RIT2: variants seen among roughly 807,000 people sequenced by gnomAD.
RIT2 encodes the protein Ras like without CAAX 2, also known as GTP-binding protein Rit2.
Under a neutral mutation model 23.7 loss-of-function variants are expected in RIT2, and 24 were observed. That is an observed-to-expected ratio of 1.01 (90% confidence interval 0.73 to 1.43). The LOEUF (loss-of-function observed/expected upper bound fraction) is 1.43. RIT2 is among the 40% of genes most tolerant of loss of function. RIT2 has a pLI of 0.00. For missense variants in RIT2, 236 were observed against 266.9 expected (o/e 0.88, Z 0.81); for synonymous variants, 107 against 91.1 (o/e 1.17, Z -0.99).
At chr18:42,890,869 C>T (rs1427809474) in intron 4 of RIT2, among the ~76,000 whole-genome samples, 1 of 152,022 alleles carries the variant, frequency 6.6e-6, no homozygotes, top group Admixed American at 6.6e-5. Context: ...GGGAATAGGA[C>T]AGTTGATCGG....
At chr18:43,072,427 A>G (rs990179239) in intron 1 of RIT2, among the ~76,000 whole-genome samples, 2 of 152,208 alleles carry the variant, frequency 1.3e-5, no homozygotes, top group Non-Finnish European at 2.9e-5. Context: ...TAGGGCTAAG[A>G]GTTCTTTTTA....
At chr18:42,751,353 TATAG>T (rs1417535909) in intron 4 of RIT2, among the ~76,000 whole-genome samples, 2 of 151,876 alleles carry the variant, frequency 1.3e-5, no homozygotes, top group East Asian at 1.9e-4. Context: ...ATAGTACATA[TATAG>T]ATATATATAT....
chr18:42,863,432 T>C (rs1416818661), intron 4 of RIT2, among the ~76,000 whole-genome samples: 1 of 152,174 alleles, frequency 6.6e-6, no homozygotes, highest in Non-Finnish European at 1.5e-5. Context: ...AATATACCAA[T>C]ATTTAACTCT....
At chr18:42,790,050 CAA>C (rs1337882609) in intron 4 of RIT2, among the ~76,000 whole-genome samples, 1 of 152,138 alleles carries the variant, frequency 6.6e-6, no homozygotes, top group African/African-American at 2.4e-5. Context: ...TGAATCTTAT[CAA>C]ATGCTTTTTC....
intron 1 of RIT2, among the ~76,000 whole-genome samples, chr18:43,114,450 T>A (rs1378416940): frequency 1.3e-5 from 2 of 152,074 alleles, no homozygotes. Context: ...CGTCTTTTAA[T>A]TTTTTTGTCA....
At chr18:43,011,666 T>C (rs1264277203) in intron 2 of RIT2, among the ~76,000 whole-genome samples, 2 of 151,808 alleles carry the variant, frequency 1.3e-5, no homozygotes, top group African/African-American at 2.4e-5. Flanking sequence ...ACTTCACTGA[T>C]AGGAATTTGA....
At chr18:43,042,227 C>T (rs924591079) in intron 1 of RIT2, among the ~76,000 whole-genome samples, 2 of 152,100 alleles carry the variant, frequency 1.3e-5, no homozygotes, top group Non-Finnish European at 2.9e-5. Context: ...ACTTAATTTT[C>T]TCGTCTGAAA....
chr18:42,980,851 T>C (rs368650648), intron 2 of RIT2, among the ~76,000 whole-genome samples: 5 of 152,130 alleles, frequency 3.3e-5, no homozygotes, highest in African/African-American at 1.2e-4. Context: ...ATAAGGAATA[T>C]ACTGATCTTC....
At chr18:42,966,387 T>C (rs1240089019) in intron 3 of RIT2, among the ~76,000 whole-genome samples, 1 of 152,176 alleles carries the variant, frequency 6.6e-6, no homozygotes, top group Non-Finnish European at 1.5e-5. Flanking sequence ...AAGTATACTT[T>C]AGAGAATCTT....
At chr18:43,065,188 C>T (rs1465428542) in intron 1 of RIT2, among the ~76,000 whole-genome samples, 1 of 146,710 alleles carries the variant, frequency 6.8e-6, no homozygotes, top group East Asian at 2.0e-4. Context: ...ACATTATAAG[C>T]TCTGTTCAGC....
intron 4 of RIT2, among the ~76,000 whole-genome samples, chr18:42,905,979 TATATATATATATGTATATATATATATAC>T (rs1258728717): frequency 0.076 from 109 of 1,432 alleles, no homozygotes; most frequent in East Asian, 0.2. Flanking sequence ...CAAATTGAAA[TATATATATATATGTATATATATATATAC>T]ATATATATAT....
rs118147596 is a variant in RIT2, at chr18:42,980,601, T to C, written c.161-6454A>G. ...GTGGCCAATCACACACTTTCTGTGG[T>C]GTTTGCAGGCAGATTCTCCAGTGAC... On this transcript the variant is annotated intron_variant, in intron 2 of 4. Transcript: ENST00000326695. Among the ~76,000 whole-genome samples, 938 of 152,198 alleles carry C rather than the reference T, an allele frequency of 6.2e-3. 19 individuals carry two copies. In the East Asian group the frequency reaches 0.068, roughly 11 times the overall value.
intron 4 of RIT2, among the ~76,000 whole-genome samples, chr18:42,789,233 G>T (rs1326879766): frequency 6.6e-6 from 1 of 152,120 alleles, no homozygotes; most frequent in Non-Finnish European, 1.5e-5. Context: ...ATGTAAAAAT[G>T]CTCTTAGTTG....
At chr18:43,016,578 C>T (rs1911480621) in intron 2 of RIT2, among the ~76,000 whole-genome samples, 1 of 151,616 alleles carries the variant, frequency 6.6e-6, no homozygotes, top group Non-Finnish European at 1.5e-5. Context: ...CCCTCTGCCC[C>T]AGGTAAGTCA....
intron 4 of RIT2, among the ~76,000 whole-genome samples, chr18:42,764,602 C>T (rs976112407): frequency 6.6e-6 from 1 of 152,130 alleles, no homozygotes; most frequent in Non-Finnish European, 1.5e-5. Context: ...TTTCCAGGTA[C>T]CTTATAGATT....
At chr18:42,933,694 G>A (rs1038511179) in intron 3 of RIT2, among the ~76,000 whole-genome samples, 5 of 151,978 alleles carry the variant, frequency 3.3e-5, no homozygotes, top group African/African-American at 1.2e-4. Context: ...ACTTTGTGAG[G>A]TCTCCCAGCC....
At chr18:42,961,198 T>G (rs1455375704) in intron 3 of RIT2, among the ~76,000 whole-genome samples, 1 of 152,230 alleles carries the variant, frequency 6.6e-6, no homozygotes, top group Non-Finnish European at 1.5e-5. Context: ...TATCCTAATC[T>G]TCTGTAAAAG....
chr18:43,057,905 T>G (rs1269894388), intron 1 of RIT2, among the ~76,000 whole-genome samples: 1 of 151,496 alleles, frequency 6.6e-6, no homozygotes, highest in Non-Finnish European at 1.5e-5. Context: ...AGGATTTTGG[T>G]GTGTCTTGCC....
chr18:42,858,704 A>G (rs536920029), intron 4 of RIT2, among the ~76,000 whole-genome samples: 4 of 152,278 alleles, frequency 2.6e-5, no homozygotes, highest in African/African-American at 9.6e-5. Context: ...GTTGATTCTA[A>G]TTCCCCATTA....
Sources: allele counts gnomAD v4.1 joint callset (sites outside exome capture counted in the v4.1 genomes callset), GRCh38; gene constraint gnomAD v4.1.1; transcripts MANE v1.5; gene names NCBI Gene and HGNC (gene_info 2026-07-23, HGNC 2026-07-21).